Variants in SLC5A10 observed in about 807,000 individuals in gnomAD.
SLC5A10 encodes solute carrier family 5 member 10, also known as sodium/mannose cotransporter SLC5A10.
A neutral mutation model predicts 68.9 loss-of-function variants in SLC5A10; 55 were observed. That is an observed-to-expected ratio of 0.80 (90% confidence interval 0.64 to 1.00). SLC5A10 has a LOEUF of 1.00. Ranked by LOEUF, SLC5A10 falls within the 50% of genes least tolerant of loss-of-function variation. The pLI, the probability that SLC5A10 is intolerant of heterozygous loss-of-function variation, is 0.00. For synonymous variants in SLC5A10, 344 were observed against 344.8 expected, an observed-to-expected ratio of 1.00 and a Z score of 0.02; for missense variants, 732 against 819.3, an observed-to-expected ratio of 0.89 and a Z score of 1.30.
chr17:18,999,104 C>A (rs1335700515), intron 9 of SLC5A10, among the ~76,000 whole-genome samples: 2 of 152,084 alleles, frequency 1.3e-5, no homozygotes, highest in African/African-American at 4.8e-5. Context: ...ACGGTGAAAC[C>A]CCGTTTCTAT....
intron 9 of SLC5A10, among the ~76,000 whole-genome samples, chr17:19,010,037 G>A (rs889724179): frequency 3.9e-5 from 6 of 151,996 alleles, no homozygotes; most frequent in Admixed American, 6.5e-5. Context: ...TCAAGGAGAG[G>A]GTGGCCGAGC....
chr17:18,952,004 C>T, upstream of SLC5A10: 1 of 754,094 alleles, frequency 1.3e-6, no homozygotes, highest in South Asian at 2.2e-5. Flanking sequence ...CTCCTGCGCT[C>T]TGGGATCTGC....
In SLC5A10 at chr17:19,003,652, C is replaced by A; in HGVS notation, c.983-9758C>A. On this transcript the variant is annotated intron_variant, in intron 9 of 14. Coordinates refer to ENST00000395645, the MANE Select transcript of SLC5A10 (RefSeq NM_001042450.4). This position sits in a 1 kb window ranked among gnomAD's most constrained non-coding sequence, Gnocchi z 4.5. ...TGGTGTCGGGCCAGCCCAGGTCCAG[C>A]TGCGGGATGGAGCGGTCCGACTTCT... 1.2e-6 allele frequency: 2 copies of A among 1,612,266 alleles called. No individual in the cohort carries two copies. Among genetic ancestry groups the A allele is most frequent in the Non-Finnish European group, 1.7e-6 (2 of 1,179,560 alleles).
chr17:18,980,932 G>A (rs916175715), intron 9 of SLC5A10, among the ~76,000 whole-genome samples: 2 of 152,112 alleles, frequency 1.3e-5, no homozygotes, highest in African/African-American at 4.8e-5. Context: ...ACTCCCTCCC[G>A]AGGGGCTCTG....
intron 8 of SLC5A10, among the ~76,000 whole-genome samples, chr17:18,974,995 G>GA (rs1263630663): frequency 6.6e-6 from 1 of 152,200 alleles, no homozygotes; most frequent in Admixed American, 6.5e-5. Context: ...ACAGCTCATG[G>GA]AAACTCTGAG....
chr17:18,984,332 C>CAAAA (rs1176935676), intron 9 of SLC5A10, among the ~76,000 whole-genome samples: 64 of 67,878 alleles, frequency 9.4e-4, no homozygotes, highest in African/African-American at 2.8e-3. Flanking sequence ...GACTCCCTCT[C>CAAAA]AAAAAAAAAA....
In SLC5A10 at chr17:18,986,569, C is replaced by G. The variant is rs548978226; in HGVS notation, c.982+9580C>G. Among the ~76,000 whole-genome samples the G allele has an allele frequency of 2.6e-5, 4 of 152,358 alleles. No homozygotes were observed. In the South Asian group the frequency reaches 6.2e-4, roughly 24 times the overall value. On this transcript the variant is annotated intron_variant, in intron 9 of 14. Coordinates refer to ENST00000395645, the MANE Select transcript of SLC5A10 (RefSeq NM_001042450.4). The stretch of plus-strand genomic sequence containing the variant: ...TCAGGCCCAGGCACTCCAGGCCCCC[C>G]ACCTGCCCCATTGCCTCCGGCTTCC...
chr17:19,007,657 C>A (rs76931690), intron 9 of SLC5A10, among the ~76,000 whole-genome samples: 9,610 of 152,246 alleles, frequency 0.063, 1,004 homozygotes, highest in African/African-American at 0.22. Context: ...TATATTCTAG[C>A]TACAGGACCT....
In SLC5A10 at chr17:19,021,609, C is replaced by T. The variant is rs1445356936; in HGVS notation, c.*1178C>T. 2.6e-6 allele frequency: 1 copy of T among 389,684 alleles called. No homozygotes were observed. Among genetic ancestry groups the T allele is most frequent in the Non-Finnish European group, 4.5e-6 (1 of 220,702 alleles). The allele number at this position is 389,684 out of a possible 1,614,324, so 24.1% of individuals were successfully genotyped here. A position where few individuals can be genotyped will look rare whatever the true frequency, so the allele number is the denominator to read the frequency against. On this transcript the variant is annotated 3_prime_UTR_variant, in exon 15 of 15. Coordinates refer to ENST00000395645, the MANE Select transcript of SLC5A10 (RefSeq NM_001042450.4). The surrounding 1 kb of genome is among the most constrained non-coding windows in gnomAD (Gnocchi z 4.1). ...ATGGCCAGGGTTCCTTAGGTTGAGC[C>T]TCCAGTGGGTGAAACCTGGGAGTCC...
chr17:19,022,169 A>G lies in SLC5A10; in HGVS notation c.*1738A>G. The G allele has an allele frequency of 7.3e-7, 1 of 1,366,040 alleles. No individual in the cohort carries two copies. The highest frequency in any genetic ancestry group is 1.6e-5 in the South Asian group (1 of 63,786). The allele number at this position is 1,366,040 out of a possible 1,614,324, so 84.6% of individuals were successfully genotyped here. A position where few individuals can be genotyped will look rare whatever the true frequency, so the allele number is the denominator to read the frequency against. Reference sequence around the variant, plus strand: ...ACTGCAAGAAGAGGAGGTGGTTAGTAGGGTGCCTTCAGAAGCCCTGCAACC... The same window carrying G: ...ACTGCAAGAAGAGGAGGTGGTTAGTGGGGTGCCTTCAGAAGCCCTGCAACC... On this transcript the variant is annotated 3_prime_UTR_variant, in exon 15 of 15. Coordinates refer to ENST00000395645, the MANE Select transcript of SLC5A10 (RefSeq NM_001042450.4).
At chr17:18,952,424 G>C (rs2042387523) in intron 1 of SLC5A10, 108 bp downstream of exon 1, 1 of 1,358,936 alleles carries the variant, frequency 7.4e-7, no homozygotes, top group Admixed American at 2.2e-5. Flanking sequence ...GTCCCAGCTG[G>C]TGGCCTAGTG....
chr17:18,990,612 C>T (rs2043393381), intron 9 of SLC5A10, among the ~76,000 whole-genome samples: 1 of 152,238 alleles, frequency 6.6e-6, no homozygotes, highest in Non-Finnish European at 1.5e-5. Flanking sequence ...ACATTGCCCT[C>T]AGCCAGGCAG....
chr17:19,007,197 T>TA (rs1454709552), intron 9 of SLC5A10, among the ~76,000 whole-genome samples: 1 of 151,136 alleles, frequency 6.6e-6, no homozygotes, highest in Non-Finnish European at 1.5e-5. Flanking sequence ...ACCGCTATTT[T>TA]TTTTTTTTTT....
intron 5 of SLC5A10, among the ~76,000 whole-genome samples, chr17:18,962,539 C>T (rs931905111): frequency 2.6e-5 from 4 of 152,130 alleles, no homozygotes; most frequent in African/African-American, 7.2e-5. Flanking sequence ...CCACATTTGC[C>T]TCTCGGCTGC....
intron 8 of SLC5A10, chr17:18,975,905 T>C (rs2042964143): frequency 6.6e-6 from 1 of 151,864 alleles, no homozygotes; most frequent in Non-Finnish European, 1.5e-5. Flanking sequence ...GTAACTCTTT[T>C]GGGCTGGGCA....
chr17:18,954,459 C>G (rs1254694129), intron 1 of SLC5A10, among the ~76,000 whole-genome samples: 1 of 152,192 alleles, frequency 6.6e-6, no homozygotes, highest in Non-Finnish European at 1.5e-5. Context: ...GAGTTCTGCC[C>G]TGTCCCTCCT....
At position 19,020,597 on chromosome 17, in the gene SLC5A10, A is replaced by C. The variant is rs982024060; in HGVS notation, c.*166A>C. 18 of 612,374 alleles carry C rather than the reference A, an allele frequency of 2.9e-5. No individual in the cohort carries two copies. Among genetic ancestry groups the C allele is most frequent in the Non-Finnish European group, 4.9e-5 (17 of 349,734 alleles). 37.9% of individuals were successfully genotyped at this position (612,374 alleles called of 1,614,324 possible). On this transcript the variant is annotated 3_prime_UTR_variant, in exon 15 of 15. Transcript: ENST00000395645. ...AGCAAAGCGGGAGCCCTGAAAAATT[A>C]GGGGGGAAATGGGAGAAAATAATGT...
chr17:18,991,016 G>A (rs1029747225), intron 9 of SLC5A10, among the ~76,000 whole-genome samples: 1 of 152,194 alleles, frequency 6.6e-6, no homozygotes, highest in Non-Finnish European at 1.5e-5. Flanking sequence ...CTGCTTGATG[G>A]TTTATAAGGA....
intron 9 of SLC5A10, among the ~76,000 whole-genome samples, chr17:18,998,377 G>A (rs2043622366): frequency 6.6e-6 from 1 of 152,250 alleles, no homozygotes; most frequent in South Asian, 2.1e-4. Context: ...ACTCTCTGCT[G>A]GCCCAGGGGC....
Sources: gnomAD v4.1 joint callset for allele counts (sites outside exome capture counted in the v4.1 genomes callset) on GRCh38, gnomAD v4.1.1 for gene constraint, Gnocchi (gnomAD v3.1) non-coding constraint, MANE v1.5 for transcripts, NCBI Gene and HGNC (gene_info 2026-07-23, HGNC 2026-07-21) for gene names.